Variants in HIPK3 observed in about 807,000 individuals in gnomAD.
HIPK3 encodes the protein homeodomain interacting protein kinase 3.
Under a neutral mutation model 124.2 loss-of-function variants are expected in HIPK3, and 47 were observed. The ratio of observed to expected loss-of-function variants is 0.38; its 90% CI spans 0.30 to 0.48. The LOEUF (loss-of-function observed/expected upper bound fraction) is 0.48, where lower values mean the gene tolerates loss of function less well. Among genes scored for constraint, HIPK3 ranks in the 20% least tolerant of loss-of-function variants. HIPK3 has a pLI of 0.98. For synonymous variants in HIPK3, 482 were observed against 515.2 expected, an observed-to-expected ratio of 0.94 and a Z score of 0.87; for missense variants, 1,286 against 1,454.3, an observed-to-expected ratio of 0.88 and a Z score of 1.88.
chr11:33,302,339 C>CTTTTTTTTTTTTT lies in HIPK3; in HGVS notation c.1097+14830_1097+14831insTTTTTTTTTTTTT, dbSNP rs374964013. 3.3e-3 allele frequency among the ~76,000 whole-genome samples: 396 copies of CTTTTTTTTTTTTT among 121,080 alleles called. 33 individuals are homozygous for CTTTTTTTTTTTTT. Among genetic ancestry groups the CTTTTTTTTTTTTT allele is most frequent in the Middle Eastern group, 0.011 (2 of 180 alleles). 79.4% of individuals were successfully genotyped at this position (121,080 alleles called of 152,430 possible). A position where few individuals can be genotyped will look rare whatever the true frequency, so the allele number is the denominator to read the frequency against. The stretch of plus-strand genomic sequence containing the variant: ...TGAACTTCTCTATGATAATTCCTTA[C>CTTTTTTTTTTTTT]TTCTTTTTTTTTTTTTTGAGAAGGA... On this transcript the variant is annotated intron_variant, in intron 2 of 16. Coordinates refer to ENST00000303296, the MANE Select transcript of HIPK3 (RefSeq NM_005734.5).
chr11:33,329,467 A>G (rs1852908462), intron 3 of HIPK3, among the ~76,000 whole-genome samples: 1 of 152,188 alleles, frequency 6.6e-6, no homozygotes, highest in South Asian at 2.1e-4. Flanking sequence ...CTATTACATA[A>G]TCATGATTAT....
chr11:33,343,742 G>T (rs1853413571), intron 8 of HIPK3, among the ~76,000 whole-genome samples: 1 of 152,060 alleles, frequency 6.6e-6, no homozygotes, highest in African/African-American at 2.4e-5. Context: ...TTGTTCTATC[G>T]GGGTAGCTTT....
intron 2 of HIPK3, among the ~76,000 whole-genome samples, chr11:33,315,188 T>A (rs1852463142): frequency 6.6e-6 from 1 of 152,198 alleles, no homozygotes. Flanking sequence ...TTAGCTTCTC[T>A]CTCTTGATAT....
At chr11:33,305,849 T>A (rs915443905) in intron 2 of HIPK3, among the ~76,000 whole-genome samples, 1 of 136,276 alleles carries the variant, frequency 7.3e-6, no homozygotes, top group Admixed American at 7.4e-5. Context: ...TAAACAATTT[T>A]TTTATTTTTT....
intron 1 of HIPK3, among the ~76,000 whole-genome samples, chr11:33,277,478 A>G (rs141533633): frequency 1.3e-5 from 2 of 152,288 alleles, no homozygotes; most frequent in Non-Finnish European, 1.5e-5. Flanking sequence ...AACAATTGGT[A>G]TATTTTCTTT....
At chr11:33,339,601 C>G (rs965904402) in intron 6 of HIPK3, 67 bp downstream of exon 6, 2 of 1,150,338 alleles carry the variant, frequency 1.7e-6, no homozygotes, top group African/African-American at 3.1e-5. Flanking sequence ...ATGACTGCAT[C>G]AGAGAAATTA....
intron 2 of HIPK3, among the ~76,000 whole-genome samples, chr11:33,327,406 A>G (rs1431161430): frequency 1.3e-5 from 2 of 152,176 alleles, no homozygotes; most frequent in African/African-American, 4.8e-5. Context: ...ATCTAGACAA[A>G]ACTTAGGAAT....
In HIPK3 at chr11:33,338,684, T is replaced by C. The variant is rs1853236198; in HGVS notation, c.1342-73T>C. The C allele has an allele frequency of 3.5e-6, 3 of 848,474 alleles. No homozygotes were observed. The East Asian group carries it at 8.0e-5, about 22-fold the overall frequency. 52.6% of individuals were successfully genotyped at this position (848,474 alleles called of 1,614,324 possible). ...TATTTGCCTTAGAATATTTAATATA[T>C]TAGACTAAATGTGCCAGGATTAAAG... On this transcript the variant is annotated intron_variant, in intron 4 of 16. Transcript: ENST00000303296.
At chr11:33,288,896 A>G (rs1228716320) in intron 2 of HIPK3, among the ~76,000 whole-genome samples, 1 of 152,198 alleles carries the variant, frequency 6.6e-6, no homozygotes, top group East Asian at 1.9e-4. Context: ...TTGGTCATTC[A>G]TGCAGTTTAT....
At chr11:33,331,075 G>C (rs1307904511) in intron 3 of HIPK3, among the ~76,000 whole-genome samples, 3 of 151,882 alleles carry the variant, frequency 2.0e-5, no homozygotes, top group African/African-American at 7.3e-5. Context: ...TAGAGATGGG[G>C]TTTCATCATA....
Position 33,275,947 on chromosome 11 carries a change from T to A in HIPK3, c.-2-10466T>A, listed in dbSNP as rs532062609. ...GGCTACGCCTACCATATTTGGCTGT[T>A]CATCCACAAGTTAGTGACCCTTGAA... On this transcript the variant is annotated intron_variant, in intron 1 of 16. Transcript: ENST00000303296. 7.2e-5 allele frequency among the ~76,000 whole-genome samples: 11 copies of A among 152,346 alleles called. No homozygotes were observed. The South Asian group carries it at 2.3e-3, about 32-fold the overall frequency.
At chr11:33,273,812 C>T (rs530912575) in intron 1 of HIPK3, among the ~76,000 whole-genome samples, 1 of 152,254 alleles carries the variant, frequency 6.6e-6, no homozygotes. Flanking sequence ...TATACTCAAG[C>T]TTATGCAGCT....
chr11:33,336,348 C>G (rs1590182672), intron 3 of HIPK3, among the ~76,000 whole-genome samples: 1 of 152,318 alleles, frequency 6.6e-6, no homozygotes, highest in East Asian at 1.9e-4. Flanking sequence ...AGAGACACAG[C>G]TGTGTATATA....
At chr11:33,310,188 T>C (rs1222768288) in intron 2 of HIPK3, among the ~76,000 whole-genome samples, 1 of 152,190 alleles carries the variant, frequency 6.6e-6, no homozygotes, top group Non-Finnish European at 1.5e-5. Context: ...CTGTTCAATA[T>C]GGTAGCCACT....
intron 1 of HIPK3, among the ~76,000 whole-genome samples, chr11:33,277,249 T>A (rs2133886393): frequency 6.6e-6 from 1 of 152,340 alleles, no homozygotes; most frequent in African/African-American, 2.4e-5. Context: ...TTACCACATA[T>A]AAAACATGGT....
intron 14 of HIPK3, among the ~76,000 whole-genome samples, chr11:33,349,674 C>T (rs1853600218): frequency 6.6e-6 from 1 of 152,134 alleles, no homozygotes; most frequent in African/African-American, 2.4e-5. Context: ...TGGTCTTGAA[C>T]TCCTGGGCTC....
At chr11:33,320,766 A>C (rs1260773196) in intron 2 of HIPK3, among the ~76,000 whole-genome samples, 1 of 152,204 alleles carries the variant, frequency 6.6e-6, no homozygotes, top group East Asian at 1.9e-4. Context: ...GTTTACTGAC[A>C]TGGGTAGGAC....
chr11:33,315,183 T>TTC (rs951372293), intron 2 of HIPK3, among the ~76,000 whole-genome samples: 39 of 152,342 alleles, frequency 2.6e-4, no homozygotes, highest in African/African-American at 8.9e-4. Flanking sequence ...GTCCCTTAGC[T>TTC]TCTCTCTCTT....
intron 8 of HIPK3, 86 bp from the exon 9 acceptor site, chr11:33,347,207 A>G: frequency 7.6e-7 from 1 of 1,313,034 alleles, no homozygotes. Context: ...GTCAGAATCT[A>G]AGCAATTCTT....
Sources: allele counts gnomAD v4.1 joint callset (sites outside exome capture counted in the v4.1 genomes callset), GRCh38; gene constraint gnomAD v4.1.1; transcripts MANE v1.5; gene names NCBI Gene and HGNC (gene_info 2026-07-23, HGNC 2026-07-21).